The following UNC5D variants were observed in gnomAD, a reference collection of about 807,000 sequenced individuals.
The protein encoded by UNC5D is unc-5 netrin receptor D, also known as netrin receptor UNC5D.
A neutral mutation model predicts 105.4 loss-of-function variants in UNC5D; 39 were observed. The ratio of observed to expected loss-of-function variants is 0.37; its 90% confidence interval spans 0.29 to 0.48. The LOEUF (loss-of-function observed/expected upper bound fraction) is 0.48, where lower values mean the gene tolerates loss of function less well. Among genes scored for constraint, UNC5D ranks in the 20% least tolerant of loss-of-function variants. UNC5D has a pLI of 0.98. For synonymous variants in UNC5D, 452 were observed against 450.4 expected, an observed-to-expected ratio of 1.00 and a Z score of -0.04; for missense variants, 991 against 1,202.4, an observed-to-expected ratio of 0.82 and a Z score of 2.60.
At chr8:35,340,358 C>T (rs930285713) in intron 1 of UNC5D, among the ~76,000 whole-genome samples, 9 of 152,120 alleles carry the variant, frequency 5.9e-5, no homozygotes. Flanking sequence ...CTGTTGAGGG[C>T]CAGATCCAGC....
intron 1 of UNC5D, among the ~76,000 whole-genome samples, chr8:35,427,545 AG>A (rs34432815): frequency 6.6e-6 from 1 of 152,210 alleles, no homozygotes; most frequent in Non-Finnish European, 1.5e-5. Context: ...TGAGAGACAA[AG>A]GGATTGGCAC....
chr8:35,516,513 G>T lies in UNC5D; in HGVS notation c.104-32779G>T, dbSNP rs553159218. Among the ~76,000 whole-genome samples, 256 of 152,344 alleles carry T rather than the reference G, an allele frequency of 1.7e-3. 1 individual carries two copies. Among genetic ancestry groups the T allele is most frequent in the Middle Eastern group, 3.4e-3 (1 of 294 alleles). ...ACAATCTGCTAGAAGCCACTGTGTTGATCGTAATCTTTCCTACATCATGCC... is the reference window on the plus strand; with the variant it reads ...ACAATCTGCTAGAAGCCACTGTGTTTATCGTAATCTTTCCTACATCATGCC... On this transcript the variant is annotated intron_variant, in intron 1 of 16. Coordinates refer to ENST00000404895, the MANE Select transcript of UNC5D (RefSeq NM_080872.4).
intron 4 of UNC5D, among the ~76,000 whole-genome samples, chr8:35,661,589 G>C (rs1044914244): frequency 2.6e-5 from 4 of 152,076 alleles, no homozygotes; most frequent in Non-Finnish European, 4.4e-5. Context: ...ACTTTTCTAC[G>C]TTGATCCTTA....
intron 11 of UNC5D, among the ~76,000 whole-genome samples, chr8:35,737,155 T>C (rs1829510722): frequency 6.6e-6 from 1 of 152,174 alleles, no homozygotes; most frequent in Non-Finnish European, 1.5e-5. Context: ...CCCTCGTCTC[T>C]AGATTTTAAT....
chr8:35,640,767 C>T (rs1822658155), intron 4 of UNC5D, among the ~76,000 whole-genome samples: 1 of 152,146 alleles, frequency 6.6e-6, no homozygotes, highest in Non-Finnish European at 1.5e-5. Context: ...GATCTATTTA[C>T]ATTGTCTATG....
rs1240986692 is a variant in UNC5D at position 35,383,163 on chromosome 8, C to A, written c.103+147276C>A. Reference sequence around the variant, plus strand: ...CCTGATTTTATAGACAAGGAAACTTCATCACAATGACATTAAATAGTTTGT... The same window carrying A: ...CCTGATTTTATAGACAAGGAAACTTAATCACAATGACATTAAATAGTTTGT... On this transcript the variant is annotated intron_variant, in intron 1 of 16. Coordinates refer to ENST00000404895, the MANE Select transcript of UNC5D (RefSeq NM_080872.4). Among the ~76,000 whole-genome samples the A allele has an allele frequency of 3.9e-5, 6 of 152,300 alleles. No homozygotes were observed. In the East Asian group the frequency reaches 1.2e-3, roughly 30 times the overall value.
intron 1 of UNC5D, among the ~76,000 whole-genome samples, chr8:35,475,028 T>C (rs575266706): frequency 6.6e-6 from 1 of 152,302 alleles, no homozygotes; most frequent in South Asian, 2.1e-4. Flanking sequence ...AGTGGTTCTC[T>C]CTGGATGGGT....
intron 1 of UNC5D, among the ~76,000 whole-genome samples, chr8:35,354,039 A>G (rs1014731466): frequency 9.2e-5 from 14 of 152,068 alleles, no homozygotes; most frequent in African/African-American, 3.4e-4. Flanking sequence ...TATATTTAAA[A>G]TATAATATGA....
intron 1 of UNC5D, among the ~76,000 whole-genome samples, chr8:35,446,089 A>T (rs929784760): frequency 6.6e-6 from 1 of 151,662 alleles, no homozygotes; most frequent in Non-Finnish European, 1.5e-5. Flanking sequence ...GATTTGTGAG[A>T]TTTTGGTGCA....
intron 4 of UNC5D, among the ~76,000 whole-genome samples, chr8:35,624,021 G>A (rs1411354459): frequency 2.0e-5 from 3 of 152,102 alleles, no homozygotes; most frequent in Non-Finnish European, 2.9e-5. Flanking sequence ...CGGAGCTTGC[G>A]GTGAGCCGAA....
intron 1 of UNC5D, among the ~76,000 whole-genome samples, chr8:35,291,197 C>T (rs1427772498): frequency 6.6e-6 from 1 of 151,952 alleles, no homozygotes; most frequent in African/African-American, 2.4e-5. Context: ...CACATGGTAC[C>T]TACAAGAGAC....
At chr8:35,737,187 T>C (rs914073947) in intron 11 of UNC5D, among the ~76,000 whole-genome samples, 1 of 151,686 alleles carries the variant, frequency 6.6e-6, no homozygotes, top group Admixed American at 6.6e-5. Flanking sequence ...CATTCTCTAA[T>C]CCCCACATTG....
chr8:35,408,503 A>G (rs1804951333), intron 1 of UNC5D, among the ~76,000 whole-genome samples: 1 of 150,628 alleles, frequency 6.6e-6, no homozygotes. Flanking sequence ...TGAAAATTAC[A>G]TGGTGAGCCA....
At chr8:35,765,721 G>T (rs1006831813) in intron 14 of UNC5D, among the ~76,000 whole-genome samples, 1 of 152,144 alleles carries the variant, frequency 6.6e-6, no homozygotes, top group Non-Finnish European at 1.5e-5. Context: ...AAAGGGAACC[G>T]GTCATTTCAA....
At chr8:35,635,563 G>C (rs951518762) in intron 4 of UNC5D, among the ~76,000 whole-genome samples, 6 of 152,104 alleles carry the variant, frequency 3.9e-5, no homozygotes, top group Non-Finnish European at 8.8e-5. Flanking sequence ...TTCGTTGTAA[G>C]AAATCATTTT....
intron 13 of UNC5D, among the ~76,000 whole-genome samples, chr8:35,751,991 T>G (rs1830303387): frequency 1.3e-5 from 2 of 152,178 alleles, no homozygotes; most frequent in African/African-American, 4.8e-5. Flanking sequence ...CAGAGGGCAG[T>G]GAGAAAATTG....
At chr8:35,528,092 T>C (rs924118548) in intron 1 of UNC5D, among the ~76,000 whole-genome samples, 1 of 147,582 alleles carries the variant, frequency 6.8e-6, no homozygotes, top group African/African-American at 2.5e-5. Flanking sequence ...CATGTGCACA[T>C]TGTGCAGGTT....
intron 1 of UNC5D, among the ~76,000 whole-genome samples, chr8:35,488,969 G>T (rs571732911): frequency 6.6e-6 from 1 of 151,906 alleles, no homozygotes; most frequent in Non-Finnish European, 1.5e-5. Flanking sequence ...GGGGCGGGCC[G>T]TATAAGGCAG....
intron 1 of UNC5D, among the ~76,000 whole-genome samples, chr8:35,529,396 C>T (rs1183508397): frequency 1.2e-4 from 18 of 147,406 alleles, no homozygotes; most frequent in Non-Finnish European, 1.8e-4. Context: ...CTGTTCTGTT[C>T]CATTGATCTA....
Sources: gnomAD v4.1 joint callset for allele counts (sites outside exome capture counted in the v4.1 genomes callset) on GRCh38, gnomAD v4.1.1 for gene constraint, MANE v1.5 for transcripts, NCBI Gene and HGNC (gene_info 2026-07-23, HGNC 2026-07-21) for gene names.